The following RMST variants were observed in gnomAD, a reference collection of about 807,000 sequenced individuals.
The protein encoded by RMST is long intergenic non-protein coding RNA 54.
At chr12:97,562,216 G>A (rs981035727) in intron 13 of RMST, among the ~76,000 whole-genome samples, 8 of 152,144 alleles carry the variant, frequency 5.3e-5, no homozygotes, top group African/African-American at 1.9e-4. Flanking sequence ...GAAAGAACCC[G>A]CTACCTGAGC....
At chr12:97,471,151 G>A (rs1873861533) in intron 5 of RMST, among the ~76,000 whole-genome samples, 1 of 152,082 alleles carries the variant, frequency 6.6e-6, no homozygotes, top group Non-Finnish European at 1.5e-5. Flanking sequence ...TACTACATCT[G>A]ACCTCTGCTG....
chr12:97,521,454 A>G (rs1463659533), intron 10 of RMST, among the ~76,000 whole-genome samples: 1 of 152,180 alleles, frequency 6.6e-6, no homozygotes, highest in East Asian at 1.9e-4. Flanking sequence ...ATGTATATAT[A>G]ATATACTAAT....
At chr12:97,484,124 T>G (rs1875788012) in intron 5 of RMST, among the ~76,000 whole-genome samples, 1 of 152,198 alleles carries the variant, frequency 6.6e-6, no homozygotes, top group Admixed American at 6.5e-5. Context: ...AAGTGATTTA[T>G]GAATGATTGT....
intron 11 of RMST, among the ~76,000 whole-genome samples, chr12:97,531,938 A>G (rs1592752990): frequency 6.6e-6 from 1 of 152,080 alleles, no homozygotes; most frequent in African/African-American, 2.4e-5. Flanking sequence ...ATCATGGGAG[A>G]CGAGACATTA....
chr12:97,526,848 A>G (rs1333664876), intron 10 of RMST, among the ~76,000 whole-genome samples: 2 of 152,152 alleles, frequency 1.3e-5, no homozygotes, highest in African/African-American at 4.8e-5. Flanking sequence ...TACTTTGGCA[A>G]TGAGAGTGCA....
chr12:97,534,667 A>G (rs1881928281), intron 11 of RMST, among the ~76,000 whole-genome samples: 1 of 151,700 alleles, frequency 6.6e-6, no homozygotes, highest in African/African-American at 2.4e-5. Flanking sequence ...TGCTTCGAAG[A>G]CATTTTATTT....
chr12:97,501,881 A>G (rs1027738573), intron 10 of RMST, among the ~76,000 whole-genome samples: 1 of 152,214 alleles, frequency 6.6e-6, no homozygotes, highest in African/African-American at 2.4e-5. Context: ...GCAATATTAT[A>G]TGCCAGATTT....
intron 10 of RMST, among the ~76,000 whole-genome samples, chr12:97,511,048 GTTA>G (rs1047070560): frequency 3.0e-4 from 46 of 151,718 alleles, no homozygotes; most frequent in South Asian, 6.2e-4. Context: ...TGAAATTTGT[GTTA>G]TTATTTTTGT....
chr12:97,484,253 C>T (rs797015372), intron 5 of RMST, among the ~76,000 whole-genome samples: 18 of 152,286 alleles, frequency 1.2e-4, no homozygotes, highest in African/African-American at 4.3e-4. Flanking sequence ...TATGCCTGCA[C>T]ATGCACGCAC....
Position 97,537,927 on chromosome 12 carries a change from G to A in RMST, n.1545+7068G>A, listed in dbSNP as rs528384533. ...TTTTTTTGTGGGAAACTCATTATGT[G>A]CTTTGACAATATGCCAGCCCTGTAC... On this transcript the variant is annotated intron_variant and non_coding_transcript_variant, in intron 11 of 13. Transcript: ENST00000640149. Among the ~76,000 whole-genome samples the A allele has an allele frequency of 2.6e-5, 4 of 151,416 alleles. No individual in the cohort carries two copies. The South Asian group carries it at 8.3e-4, about 31-fold the overall frequency.
At chr12:97,501,260 G>A (rs1239148095) in intron 10 of RMST, among the ~76,000 whole-genome samples, 4 of 152,174 alleles carry the variant, frequency 2.6e-5, no homozygotes, top group African/African-American at 7.2e-5. Context: ...ACAGTTAAAC[G>A]TTAAAAGTCA....
chr12:97,521,313 A>G (rs932436648), intron 10 of RMST, among the ~76,000 whole-genome samples: 16 of 152,222 alleles, frequency 1.1e-4, no homozygotes, highest in African/African-American at 3.9e-4. Flanking sequence ...TGAGCATAAA[A>G]CTGATGTTTT....
At chr12:97,523,152 A>G (rs1880692324) in intron 10 of RMST, among the ~76,000 whole-genome samples, 1 of 152,244 alleles carries the variant, frequency 6.6e-6, no homozygotes, top group African/African-American at 2.4e-5. Flanking sequence ...GTTCACAGAA[A>G]AAGGATTTTG....
At chr12:97,538,436 A>C (rs1332536324) in intron 11 of RMST, among the ~76,000 whole-genome samples, 1 of 151,390 alleles carries the variant, frequency 6.6e-6, no homozygotes, top group Non-Finnish European at 1.5e-5. Context: ...CTCAGAACTC[A>C]TTAATGGCAG....
intron 11 of RMST, among the ~76,000 whole-genome samples, chr12:97,553,917 G>A (rs919421507): frequency 1.3e-5 from 2 of 149,566 alleles, no homozygotes; most frequent in African/African-American, 4.9e-5. Context: ...CATAGTAAAT[G>A]CTCAACTAAT....
intron 11 of RMST, among the ~76,000 whole-genome samples, chr12:97,558,721 T>C (rs1480548043): frequency 6.6e-6 from 1 of 152,152 alleles, no homozygotes; most frequent in East Asian, 1.9e-4. Context: ...TTCACTCTTA[T>C]AGTGATGCCT....
At chr12:97,498,017 C>T (rs570506983) in intron 10 of RMST, among the ~76,000 whole-genome samples, 4 of 152,250 alleles carry the variant, frequency 2.6e-5, no homozygotes, top group Admixed American at 1.3e-4. Context: ...ATTTACTGAG[C>T]AGACTAGTCC....
chr12:97,478,508 A>G lies in RMST; in HGVS notation n.644+12781A>G, dbSNP rs61943695. On this transcript the variant is annotated intron_variant and non_coding_transcript_variant, in intron 5 of 13. Coordinates refer to ENST00000640149, the Ensembl canonical transcript of RMST. Reference sequence around the variant, plus strand: ...ACAGAGCCAGGGAAGTCTCAAAGCTATTTATACCCAGATGAGCCTCCTTTA... The same window carrying G: ...ACAGAGCCAGGGAAGTCTCAAAGCTGTTTATACCCAGATGAGCCTCCTTTA... Among the ~76,000 whole-genome samples, 459 of 152,278 alleles carry G rather than the reference A, an allele frequency of 3.0e-3. 1 individual carries two copies. The highest frequency in any genetic ancestry group is 0.014 in the Middle Eastern group (4 of 294).
intron 11 of RMST, among the ~76,000 whole-genome samples, chr12:97,541,012 GTATA>G (rs145399907): frequency 1.4e-5 from 2 of 146,406 alleles, no homozygotes; most frequent in African/African-American, 5.0e-5. Context: ...TGTCCCAGGT[GTATA>G]TATATATATA....
Sources: allele counts gnomAD v4.1 joint callset (sites outside exome capture counted in the v4.1 genomes callset), GRCh38; gene constraint gnomAD v4.1.1; transcripts MANE v1.5; gene names NCBI Gene and HGNC (gene_info 2026-07-23, HGNC 2026-07-21).